Variants in CRTAC1 observed in about 807,000 individuals in gnomAD.
CRTAC1 encodes acidic secreted protein in cartilage.
CRTAC1 carries 37 observed loss-of-function variants against 67.8 expected under a neutral mutation model. That is an observed-to-expected ratio of 0.55 (90% CI 0.42 to 0.72). The LOEUF is 0.72. Among genes scored for constraint, CRTAC1 ranks in the 30% least tolerant of loss-of-function variants. CRTAC1 has a pLI of 0.00. For synonymous variants in CRTAC1, 348 were observed against 371.0 expected, an observed-to-expected ratio of 0.94 and a Z score of 0.71; for missense variants, 780 against 931.6, an observed-to-expected ratio of 0.84 and a Z score of 2.12.
chr10:97,933,681 G>A (rs1265777430), intron 3 of CRTAC1, among the ~76,000 whole-genome samples: 2 of 152,226 alleles, frequency 1.3e-5, no homozygotes, highest in African/African-American at 4.8e-5. Context: ...GGATTTTTGT[G>A]TTTTGTTCAC....
chr10:97,878,604 C>A, intron 14 of CRTAC1: 5 of 1,302,858 alleles, frequency 3.8e-6, no homozygotes. Flanking sequence ...TATTCTGTGG[C>A]GTTACATCAT....
chr10:97,998,809 A>T (rs936869546), intron 2 of CRTAC1, among the ~76,000 whole-genome samples: 6 of 152,240 alleles, frequency 3.9e-5, no homozygotes, highest in Non-Finnish European at 8.8e-5. Flanking sequence ...CAAAGACTAA[A>T]ATACTATGCA....
intron 11 of CRTAC1, among the ~76,000 whole-genome samples, chr10:97,886,344 A>G (rs907651785): frequency 6.6e-6 from 1 of 152,206 alleles, no homozygotes; most frequent in Non-Finnish European, 1.5e-5. Context: ...CCAGGACCAG[A>G]GCTACACTCT....
rs2050543511 is a variant in CRTAC1, at chr10:97,901,634, G to A, written c.1002C>T (p.Ile334=). 5.6e-6 allele frequency: 9 copies of A among 1,614,006 alleles called. No individual in the cohort carries two copies. The highest frequency in any genetic ancestry group is 2.2e-5 in the South Asian group (2 of 91,084). Residue 334 remains isoleucine, a synonymous_variant, in exon 8 of 15, where the codon ATC becomes ATT. Transcript: ENST00000370597. The part of the protein sequence containing the change: ...STHGKVRFRD[I]ASPKFSMPSP... ...AGGGCATGGAGAACTTGGGTGAGGC[G>A]ATGTCCTGGAGGAAACAAGGCTGGG...
At chr10:97,954,080 T>C (rs2051402601) in intron 2 of CRTAC1, among the ~76,000 whole-genome samples, 1 of 152,136 alleles carries the variant, frequency 6.6e-6, no homozygotes, top group Non-Finnish European at 1.5e-5. Context: ...TCTTTGCAGC[T>C]GAGGAGCGTG....
At chr10:97,873,382 G>A (rs1590171005) in intron 14 of CRTAC1, among the ~76,000 whole-genome samples, 1 of 152,312 alleles carries the variant, frequency 6.6e-6, no homozygotes, top group East Asian at 1.9e-4. Flanking sequence ...TGACACGAGG[G>A]CAGCCCCAGG....
intron 6 of CRTAC1, among the ~76,000 whole-genome samples, chr10:97,907,628 A>C (rs2136574076): frequency 6.6e-6 from 1 of 152,264 alleles, no homozygotes; most frequent in Admixed American, 6.5e-5. Flanking sequence ...TAGGGGCTCC[A>C]TGAATGCTCA....
intron 2 of CRTAC1, among the ~76,000 whole-genome samples, chr10:97,990,781 G>A (rs1411482197): frequency 6.6e-6 from 1 of 152,218 alleles, no homozygotes; most frequent in South Asian, 2.1e-4. Flanking sequence ...TAGAATGAAC[G>A]AATAAGAGCT....
At chr10:98,022,821 G>A (rs937861187) in intron 1 of CRTAC1, among the ~76,000 whole-genome samples, 1 of 152,116 alleles carries the variant, frequency 6.6e-6, no homozygotes, top group Non-Finnish European at 1.5e-5. Context: ...GTGCAGGATG[G>A]ATAGACCGTG....
chr10:97,995,758 T>C (rs772364412), intron 2 of CRTAC1, among the ~76,000 whole-genome samples: 28 of 152,168 alleles, frequency 1.8e-4, no homozygotes, highest in Non-Finnish European at 4.0e-4. Flanking sequence ...GGTGGCAAGA[T>C]AGGGTTACAG....
chr10:97,930,015 T>A (rs2050980073), intron 3 of CRTAC1, among the ~76,000 whole-genome samples: 1 of 152,174 alleles, frequency 6.6e-6, no homozygotes, highest in Admixed American at 6.5e-5. Flanking sequence ...CCTTCCCTCA[T>A]CCCAAGGTTA....
chr10:97,935,872 AG>A (rs1360278769), intron 3 of CRTAC1, among the ~76,000 whole-genome samples: 1 of 152,140 alleles, frequency 6.6e-6, no homozygotes, highest in East Asian at 1.9e-4. Context: ...AGGAGGGGTC[AG>A]GAGGGCTCAC....
At chr10:97,993,481 A>G (rs1044388647) in intron 2 of CRTAC1, among the ~76,000 whole-genome samples, 1 of 152,192 alleles carries the variant, frequency 6.6e-6, no homozygotes. Context: ...TATATGCCTT[A>G]TCTCTCTTAT....
At chr10:97,971,420 A>G (rs150182832) in intron 2 of CRTAC1, among the ~76,000 whole-genome samples, 4 of 152,366 alleles carry the variant, frequency 2.6e-5, no homozygotes, top group South Asian at 2.1e-4. Flanking sequence ...CAAACATTGT[A>G]TGATTCCACT....
chr10:97,894,722 A>G (rs2050427466), intron 11 of CRTAC1, among the ~76,000 whole-genome samples: 1 of 14,820 alleles, frequency 6.7e-5, no homozygotes, highest in East Asian at 2.1e-3. Flanking sequence ...ATATATATAT[A>G]TATATATATA....
intron 8 of CRTAC1, among the ~76,000 whole-genome samples, chr10:97,898,691 C>G (rs2050494035): frequency 6.6e-6 from 1 of 152,044 alleles, no homozygotes; most frequent in African/African-American, 2.4e-5. Context: ...TTCAACGGCT[C>G]TGTCTGCAGG....
Position 97,933,664 on chromosome 10 carries a change from G to A in CRTAC1, c.421+2506C>T, listed in dbSNP as rs1025378458. On this transcript the variant is annotated intron_variant, in intron 3 of 14. Coordinates refer to ENST00000370597, the MANE Select transcript of CRTAC1 (RefSeq NM_018058.7). ...GTTGAGGATAGAGTGTGAACTTCAC[G>A]AGGGCAGGATTTTTGTGTTTTGTTC... Among the ~76,000 whole-genome samples the A allele has an allele frequency of 2.0e-5, 3 of 152,230 alleles. 1 individual carries two copies. The highest frequency in any genetic ancestry group is 3.8e-4 in the East Asian group (2 of 5,196).
rs530000962 is a variant in CRTAC1 at position 97,891,620 on chromosome 10, C to T, written c.1486+3625G>A. Among the ~76,000 whole-genome samples, 35 of 152,382 alleles carry T rather than the reference C, an allele frequency of 2.3e-4. 1 individual carries two copies. Among genetic ancestry groups the T allele is most frequent in the Non-Finnish European group, 5.1e-4 (35 of 68,038 alleles). Reference sequence around the variant, plus strand: ...AGGGCAGGGGGCATTTCTTCTCTGCCTCTTTCCCCATGTCTCTGCCTCTCT... The same window carrying T: ...AGGGCAGGGGGCATTTCTTCTCTGCTTCTTTCCCCATGTCTCTGCCTCTCT... On this transcript the variant is annotated intron_variant, in intron 11 of 14. Coordinates refer to ENST00000370597, the MANE Select transcript of CRTAC1 (RefSeq NM_018058.7).
chr10:98,004,523 A>G (rs1842747501), intron 2 of CRTAC1, among the ~76,000 whole-genome samples: 1 of 152,202 alleles, frequency 6.6e-6, no homozygotes, highest in Admixed American at 6.5e-5. Flanking sequence ...ATCTAATAAG[A>G]TTTAAAATGA....
Sources: allele counts gnomAD v4.1 joint callset (sites outside exome capture counted in the v4.1 genomes callset), GRCh38; gene constraint gnomAD v4.1.1; transcripts MANE v1.5; gene names NCBI Gene and HGNC (gene_info 2026-07-23, HGNC 2026-07-21).